Variants in ATRNL1 observed in about 807,000 individuals in gnomAD.
ATRNL1 encodes attractin-like protein 1.
A neutral mutation model predicts 182.7 loss-of-function variants in ATRNL1; 95 were observed. The ratio of observed to expected loss-of-function variants is 0.52; its 90% CI spans 0.44 to 0.62. The LOEUF is 0.62. Among genes scored for constraint, ATRNL1 ranks in the 20% least tolerant of loss-of-function variants. The pLI is 0.00. For missense variants in ATRNL1, 1,471 were observed against 1,679.5 expected (o/e 0.88, Z 2.17); for synonymous variants, 576 against 568.3 (o/e 1.01, Z -0.19).
chr10:115,269,753 C>T (rs1851762267), intron 13 of ATRNL1, among the ~76,000 whole-genome samples: 1 of 152,060 alleles, frequency 6.6e-6, no homozygotes, highest in Non-Finnish European at 1.5e-5. Context: ...AAAGTATCTA[C>T]TTGTTTTTCA....
At chr10:115,324,595 T>C (rs1181244606) in intron 18 of ATRNL1, among the ~76,000 whole-genome samples, 1 of 152,240 alleles carries the variant, frequency 6.6e-6, no homozygotes, top group Non-Finnish European at 1.5e-5. Flanking sequence ...GATTGCCATA[T>C]AAGCCTGACA....
intron 26 of ATRNL1, among the ~76,000 whole-genome samples, chr10:115,656,824 T>G (rs1860364942): frequency 6.6e-6 from 1 of 152,114 alleles, no homozygotes; most frequent in African/African-American, 2.4e-5. Context: ...CCTTGATACA[T>G]CCTACCACCA....
At chr10:115,304,464 A>C (rs1381781765) in intron 17 of ATRNL1, among the ~76,000 whole-genome samples, 1 of 152,116 alleles carries the variant, frequency 6.6e-6, no homozygotes, top group Non-Finnish European at 1.5e-5. Context: ...ACACACGTGG[A>C]GTGGTTTTAA....
rs144708250 is a variant in ATRNL1 at position 115,114,108 on chromosome 10, C to T, written c.294-6077C>T. ...GCCCAGAAATAAATTCACCTGTCTGCTGTCCACTGATTTTCAACAGAGGCT... is the reference window on the plus strand; with the variant it reads ...GCCCAGAAATAAATTCACCTGTCTGTTGTCCACTGATTTTCAACAGAGGCT... On this transcript the variant is annotated intron_variant, in intron 1 of 28. Coordinates refer to ENST00000355044, the MANE Select transcript of ATRNL1 (RefSeq NM_207303.4). 6.8e-4 allele frequency among the ~76,000 whole-genome samples: 103 copies of T among 152,234 alleles called. 1 individual carries two copies. The highest frequency in any genetic ancestry group is 2.5e-3 in the African/African-American group (102 of 41,548).
At chr10:115,764,666 G>T (rs1043174571) in intron 27 of ATRNL1, among the ~76,000 whole-genome samples, 13 of 151,878 alleles carry the variant, frequency 8.6e-5, no homozygotes, top group Non-Finnish European at 1.5e-4. Flanking sequence ...TGTCTTTTTT[G>T]TTTGTTTGTT....
intron 25 of ATRNL1, among the ~76,000 whole-genome samples, chr10:115,531,288 C>T (rs1443151555): frequency 4.3e-4 from 66 of 151,924 alleles, no homozygotes; most frequent in South Asian, 6.3e-4. Context: ...CTCCAGCACC[C>T]GTTGTTTCCT....
intron 26 of ATRNL1, among the ~76,000 whole-genome samples, chr10:115,640,022 G>A (rs12770825): frequency 0.17 from 26,310 of 151,808 alleles, 2,883 homozygotes; most frequent in East Asian, 0.26. Context: ...TATTCAACTC[G>A]AACATCCCGT....
chr10:115,475,490 T>C (rs1848489311), intron 24 of ATRNL1, among the ~76,000 whole-genome samples: 1 of 151,470 alleles, frequency 6.6e-6, no homozygotes, highest in Admixed American at 6.6e-5. Flanking sequence ...TAATTCTCTG[T>C]GGCATATCTC....
chr10:115,907,967 G>C (rs1440845647), intron 28 of ATRNL1, among the ~76,000 whole-genome samples: 4 of 152,172 alleles, frequency 2.6e-5, no homozygotes, highest in Non-Finnish European at 5.9e-5. Context: ...AGTTTTATAA[G>C]TAATCCACTT....
At chr10:115,547,082 C>G (rs1269439661) in intron 25 of ATRNL1, among the ~76,000 whole-genome samples, 1 of 151,708 alleles carries the variant, frequency 6.6e-6, no homozygotes. Context: ...GGTGAAACCC[C>G]ATCTCTACTA....
At chr10:115,267,331 G>C (rs191641189) in intron 12 of ATRNL1, among the ~76,000 whole-genome samples, 1 of 151,148 alleles carries the variant, frequency 6.6e-6, no homozygotes, top group Admixed American at 6.6e-5. Context: ...TAGATTCAAA[G>C]AAATAAAATG....
chr10:115,411,647 T>A (rs1464705366), intron 20 of ATRNL1, among the ~76,000 whole-genome samples: 2 of 152,116 alleles, frequency 1.3e-5, no homozygotes, highest in East Asian at 1.9e-4. Flanking sequence ...TCTGAGTTTT[T>A]AAAATATTAT....
chr10:115,553,715 C>T (rs554711842), intron 26 of ATRNL1, among the ~76,000 whole-genome samples: 3 of 151,454 alleles, frequency 2.0e-5, no homozygotes, highest in African/African-American at 7.2e-5. Flanking sequence ...ACTGGTTTTC[C>T]AGAGGCAAAT....
chr10:115,467,617 T>A (rs1254160848), intron 23 of ATRNL1, among the ~76,000 whole-genome samples: 1 of 150,750 alleles, frequency 6.6e-6, no homozygotes, highest in Non-Finnish European at 1.5e-5. Context: ...TTAACCTTAA[T>A]ATTTATATAA....
intron 1 of ATRNL1, among the ~76,000 whole-genome samples, chr10:115,113,040 C>T (rs1844325375): frequency 6.6e-6 from 1 of 152,128 alleles, no homozygotes; most frequent in Admixed American, 6.6e-5. Flanking sequence ...GACTTTACCA[C>T]TACAATTCTG....
chr10:115,196,684 G>C (rs1190176895), intron 8 of ATRNL1, among the ~76,000 whole-genome samples: 2 of 151,926 alleles, frequency 1.3e-5, no homozygotes, highest in Admixed American at 1.3e-4. Flanking sequence ...TTACTAAATG[G>C]TATTTAAAAA....
At chr10:115,134,458 C>T (rs1371799577) in intron 5 of ATRNL1, among the ~76,000 whole-genome samples, 1 of 152,098 alleles carries the variant, frequency 6.6e-6, no homozygotes, top group Non-Finnish European at 1.5e-5. Context: ...AATTTCTCGA[C>T]ACACACACCC....
intron 28 of ATRNL1, among the ~76,000 whole-genome samples, chr10:115,922,179 C>T (rs1555118883): frequency 6.6e-6 from 1 of 152,108 alleles, no homozygotes; most frequent in Admixed American, 6.6e-5. Context: ...TGCGTATGGA[C>T]AGTTTGACAT....
chr10:115,406,982 T>A (rs1592608081), intron 20 of ATRNL1, among the ~76,000 whole-genome samples: 1 of 152,186 alleles, frequency 6.6e-6, no homozygotes, highest in East Asian at 1.9e-4. Flanking sequence ...AATTTATTTT[T>A]GGCCTGAAGG....
Sources: allele counts gnomAD v4.1 joint callset (sites outside exome capture counted in the v4.1 genomes callset), GRCh38; gene constraint gnomAD v4.1.1; transcripts MANE v1.5; gene names NCBI Gene and HGNC (gene_info 2026-07-23, HGNC 2026-07-21).